Variants in GREB1L observed in about 807,000 individuals in gnomAD.
The protein encoded by GREB1L is GREB1-like protein.
Under a neutral mutation model 200.8 loss-of-function variants are expected in GREB1L, and 17 were observed. That is an observed-to-expected ratio of 0.08 (90% CI 0.06 to 0.13). The LOEUF (loss-of-function observed/expected upper bound fraction) is 0.13, where lower values mean the gene tolerates loss of function less well. GREB1L is among the 10% of genes least tolerant of loss of function. The pLI, the probability that GREB1L is intolerant of heterozygous loss-of-function variation, is 1.00. For synonymous variants in GREB1L, 789 were observed against 893.0 expected (o/e 0.88, Z 2.08); for missense variants, 1,657 against 2,367.7 (o/e 0.70, Z 6.23).
chr18:21,452,936 G>A (rs2034595475), intron 14 of GREB1L, among the ~76,000 whole-genome samples: 1 of 152,156 alleles, frequency 6.6e-6, no homozygotes. Flanking sequence ...ATTGTCTCAG[G>A]CAATAAAAGT....
At chr18:21,517,151 G>C (rs2037448859) in intron 30 of GREB1L, among the ~76,000 whole-genome samples, 1 of 152,182 alleles carries the variant, frequency 6.6e-6, no homozygotes, top group Non-Finnish European at 1.5e-5. Context: ...TGGGATTACA[G>C]GCATGAGCCA....
intron 19 of GREB1L, among the ~76,000 whole-genome samples, chr18:21,493,895 T>TAAAAAAAAA (rs2036442609): frequency 5.5e-5 from 1 of 18,196 alleles, no homozygotes; most frequent in African/African-American, 1.4e-4. Context: ...AAAAAAAAAG[T>TAAAAAAAAA]CCTCATACAG....
intron 1 of GREB1L, among the ~76,000 whole-genome samples, chr18:21,291,234 A>G (rs1490775988): frequency 1.3e-5 from 2 of 152,072 alleles, no homozygotes; most frequent in African/African-American, 4.8e-5. Context: ...ACATCTCAGC[A>G]ACTTTGTACA....
intron 1 of GREB1L, among the ~76,000 whole-genome samples, chr18:21,338,644 G>A (rs979120303): frequency 1.1e-4 from 17 of 152,186 alleles, no homozygotes. Flanking sequence ...CCACAGCTAT[G>A]ATCACTTGTT....
intron 28 of GREB1L, among the ~76,000 whole-genome samples, chr18:21,514,552 T>G (rs1043118734): frequency 1.3e-5 from 2 of 152,154 alleles, no homozygotes; most frequent in Non-Finnish European, 2.9e-5. Context: ...ACACTATGAT[T>G]TATGGAGAAA....
chr18:21,513,670 A>C (rs2037319141), intron 27 of GREB1L, 151 bp from the exon 28 acceptor site: 1 of 652,476 alleles, frequency 1.5e-6, no homozygotes, highest in South Asian at 2.0e-5. Flanking sequence ...CTGGTTTGAG[A>C]GCCACTGCTC....
In GREB1L at chr18:21,520,798, T is replaced by TCTC. The variant is rs2146129341; in HGVS notation, c.5585_5586insCCT (p.Leu1862dup). ...TCTGTGACTCTTTTGTAGGTGCTGA[T>TCTC]CTTAAGAAATTTAAATTTCTAAAAG... On this transcript the variant is annotated inframe_insertion, in exon 32 of 33. Transcript: ENST00000424526. 1.4e-6 allele frequency: 2 copies of TCTC among 1,390,406 alleles called. No individual in the cohort carries two copies. Among genetic ancestry groups the TCTC allele is most frequent in the Non-Finnish European group, 9.3e-7 (1 of 1,075,364 alleles). The allele number at this position is 1,390,406 out of a possible 1,614,324, so 86.1% of individuals were successfully genotyped here.
intron 18 of GREB1L, among the ~76,000 whole-genome samples, chr18:21,487,969 C>T (rs1014028551): frequency 6.6e-6 from 1 of 151,546 alleles, no homozygotes; most frequent in Non-Finnish European, 1.5e-5. Context: ...TGAGATTGCG[C>T]CATTGCACTC....
chr18:21,335,233 A>G (rs2039166647), intron 1 of GREB1L, among the ~76,000 whole-genome samples: 1 of 152,234 alleles, frequency 6.6e-6, no homozygotes, highest in Admixed American at 6.5e-5. Flanking sequence ...ATAATAGGAA[A>G]AGGCCATTTA....
intron 1 of GREB1L, among the ~76,000 whole-genome samples, chr18:21,349,800 G>GT (rs2039407089): frequency 3.3e-5 from 5 of 151,990 alleles, no homozygotes; most frequent in African/African-American, 1.2e-4. Context: ...ATGGTGCATT[G>GT]TATAATTATT....
chr18:21,287,855 C>A (rs2144539968), intron 1 of GREB1L, among the ~76,000 whole-genome samples: 1 of 147,892 alleles, frequency 6.8e-6, no homozygotes, highest in African/African-American at 2.5e-5. Context: ...AGAGCAGTGG[C>A]ATGATCTCGG....
At chr18:21,396,338 C>T (rs1324174116) in intron 5 of GREB1L, among the ~76,000 whole-genome samples, 1 of 152,174 alleles carries the variant, frequency 6.6e-6, no homozygotes, top group Non-Finnish European at 1.5e-5. Context: ...AGCCACCACG[C>T]CCGGCCTTTT....
At position 21,347,310 on chromosome 18, in the gene GREB1L, CAACA is replaced by C. The variant is rs575743522; in HGVS notation, c.-119-18715_-119-18712del. On this transcript the variant is annotated intron_variant, in intron 1 of 32. Coordinates refer to ENST00000424526, the MANE Select transcript of GREB1L (RefSeq NM_001142966.3). ...AAAAAACAAACAAAAACAAAAAAAC[CAACA>C]ACAACTGTAACTGTCTACCACCTTC... Among the ~76,000 whole-genome samples, 158 of 151,716 alleles carry C rather than the reference CAACA, an allele frequency of 1.0e-3. 1 individual carries two copies. Among genetic ancestry groups the C allele is most frequent in the Non-Finnish European group, 1.8e-3 (121 of 67,842 alleles).
At position 21,426,609 on chromosome 18, in the gene GREB1L, A is replaced by G. The variant is rs181378877; in HGVS notation, c.833-12912A>G. On this transcript the variant is annotated intron_variant, in intron 7 of 32. Coordinates refer to ENST00000424526, the MANE Select transcript of GREB1L (RefSeq NM_001142966.3). The stretch of plus-strand genomic sequence containing the variant: ...CACTGCATAATTATGGTAGCTTTGT[A>G]TGAAATTCTGAAATGGGGACGTGTA... 1.2e-4 allele frequency among the ~76,000 whole-genome samples: 18 copies of G among 152,270 alleles called. No individual in the cohort carries two copies. The East Asian group carries it at 2.5e-3, about 21-fold the overall frequency.
At chr18:21,460,079 T>C (rs997028201) in intron 15 of GREB1L, among the ~76,000 whole-genome samples, 4 of 152,208 alleles carry the variant, frequency 2.6e-5, no homozygotes, top group Non-Finnish European at 4.4e-5. Context: ...GCCACACATA[T>C]ACAACATGTT....
intron 22 of GREB1L, 39 bp downstream of exon 22, chr18:21,500,345 G>T (rs547234285): frequency 1.7e-5 from 16 of 933,100 alleles, no homozygotes; most frequent in Non-Finnish European, 1.6e-6. Flanking sequence ...TTAGGCTGGG[G>T]TTGGCGCGTC....
intron 1 of GREB1L, among the ~76,000 whole-genome samples, chr18:21,310,157 G>A (rs1035629997): frequency 6.6e-6 from 1 of 152,210 alleles, no homozygotes; most frequent in African/African-American, 2.4e-5. Flanking sequence ...ACTAGACAGT[G>A]CAAATCTAGA....
chr18:21,435,018 A>G (rs1468228792), intron 7 of GREB1L: 1 of 152,648 alleles, frequency 6.6e-6, no homozygotes, highest in Non-Finnish European at 1.5e-5. Context: ...CCGGAATAAC[A>G]ATGTTGTGAA....
chr18:21,474,009 A>G (rs2035587191), intron 16 of GREB1L, among the ~76,000 whole-genome samples: 1 of 152,188 alleles, frequency 6.6e-6, no homozygotes, highest in African/African-American at 2.4e-5. Flanking sequence ...TAATTCAGTC[A>G]TCTCCCACTG....
Sources: allele counts gnomAD v4.1 joint callset (sites outside exome capture counted in the v4.1 genomes callset), GRCh38; gene constraint gnomAD v4.1.1; transcripts MANE v1.5; gene names NCBI Gene and HGNC (gene_info 2026-07-23, HGNC 2026-07-21).